Variants in TXNRD3 observed in about 807,000 individuals in gnomAD.
TXNRD3 encodes thioredoxin reductase 3.
A neutral mutation model predicts 78.2 loss-of-function variants in TXNRD3; 68 were observed. The ratio of observed to expected loss-of-function variants is 0.87; its 90% confidence interval spans 0.72 to 1.06. The LOEUF (loss-of-function observed/expected upper bound fraction) is 1.06. Ranked by LOEUF, TXNRD3 falls within the 50% of genes least tolerant of loss-of-function variation. TXNRD3 has a pLI of 0.00. For missense variants in TXNRD3, 751 were observed against 809.5 expected (o/e 0.93, Z 0.88); for synonymous variants, 296 against 300.1 (o/e 0.99, Z 0.14).
chr3:126,609,182 G>A (rs569825459), intron 14 of TXNRD3: 9 of 443,538 alleles, frequency 2.0e-5, no homozygotes, highest in Admixed American at 7.1e-5. Context: ...CCACGGTAAC[G>A]GTGCATTCTA....
At position 126,630,739 on chromosome 3, in the gene TXNRD3, C is replaced by T. The variant is rs1159283403; in HGVS notation, c.1170G>A (p.Lys390=). Reference sequence around the variant, plus strand: ...TCACAGGTATGAATTTCCGTAGGAACTTCACACCATGCTGCTCCATGTAGG... The same window carrying T: ...TCACAGGTATGAATTTCCGTAGGAATTTCACACCATGCTGCTCCATGTAGG... The change falls in exon 9 of 16, where the codon AAG becomes AAA. Residue 390 remains lysine (K), a synonymous_variant. Coordinates refer to ENST00000524230, the MANE Select transcript of TXNRD3 (RefSeq NM_052883.3). The T allele has an allele frequency of 9.1e-6, 14 of 1,534,200 alleles. No individual in the cohort carries two copies. Among genetic ancestry groups the T allele is most frequent in the Non-Finnish European group, 1.0e-5 (12 of 1,146,856 alleles).
intron 14 of TXNRD3, 43 bp downstream of exon 14, chr3:126,610,994 A>G: frequency 8.4e-7 from 1 of 1,190,626 alleles, no homozygotes; most frequent in Non-Finnish European, 1.1e-6. Context: ...TAAAAGCTAC[A>G]TTTAAAAATC....
rs528033653 is a variant in TXNRD3 at position 126,634,021 on chromosome 3, G to A, written c.743C>T (p.Ala248Val). ...TAGAGAGCTGATGTGGTTCTGAATC[G>A]CTTTTGTCATTGTCTCCCAGTTGTG... Residue 248 changes from alanine (A) to valine (V), a missense_variant, in exon 7 of 16, where the codon GCG (alanine) becomes GTG (valine). Physicochemically the swap from Ala to Val is moderately conservative, Grantham distance 64 (BLOSUM62 0). Coordinates refer to ENST00000524230, the MANE Select transcript of TXNRD3 (RefSeq NM_052883.3). 21 of 1,518,292 alleles carry A rather than the reference G, an allele frequency of 1.4e-5. No homozygotes were observed. The highest frequency in any genetic ancestry group is 1.2e-4 in the Admixed American group (6 of 48,730). 94.1% of individuals were successfully genotyped at this position (1,518,292 alleles called of 1,614,324 possible).
At chr3:126,627,832 C>G (rs1938614858) in intron 10 of TXNRD3, among the ~76,000 whole-genome samples, 1 of 152,046 alleles carries the variant, frequency 6.6e-6, no homozygotes, top group African/African-American at 2.4e-5. Flanking sequence ...TGCCAGAAAA[C>G]AGGAAATGAG....
At chr3:126,630,639 G>A (rs1011416095) in intron 9 of TXNRD3, 73 bp downstream of exon 9, 11 of 1,368,720 alleles carry the variant, frequency 8.0e-6, no homozygotes, top group East Asian at 2.5e-5. Flanking sequence ...ACTAATTTAT[G>A]TAATGAAATG....
chr3:126,648,921 T>C (rs1340039983), intron 1 of TXNRD3, among the ~76,000 whole-genome samples: 6 of 152,168 alleles, frequency 3.9e-5, no homozygotes, highest in Admixed American at 1.3e-4. Context: ...AGGAGGATCA[T>C]GGAGTCCAGG....
intron 5 of TXNRD3, among the ~76,000 whole-genome samples, chr3:126,642,354 T>C (rs1403828482): frequency 6.6e-6 from 1 of 152,132 alleles, no homozygotes; most frequent in Non-Finnish European, 1.5e-5. Context: ...AAAATACAGA[T>C]GTGCATGTGA....
At chr3:126,626,940 T>C (rs1261522238) in intron 10 of TXNRD3, among the ~76,000 whole-genome samples, 2 of 151,552 alleles carry the variant, frequency 1.3e-5, no homozygotes, top group Non-Finnish European at 2.9e-5. Flanking sequence ...AAAAAAAAAT[T>C]AGCCAGGCAT....
Position 126,608,624 on chromosome 3 carries a change from T to C in TXNRD3, c.1738A>G (p.Ile580Val). 1 of 1,535,412 alleles carries C rather than the reference T, an allele frequency of 6.5e-7. No individual in the cohort carries two copies. Among genetic ancestry groups the C allele is most frequent in the Non-Finnish European group, 8.7e-7 (1 of 1,146,630 alleles). ...TTTGGTCCAAGAATATGAAATCCTATCACCCGATCCTTTAATACAGAAACA... is the reference window on the plus strand; with the variant it reads ...TTTGGTCCAAGAATATGAAATCCTACCACCCGATCCTTTAATACAGAAACA... The change falls in exon 15 of 16, where the codon ATA becomes GTA. Residue 580 changes from isoleucine (I) to valine (V), a missense_variant. Physicochemically the swap from Ile to Val is conservative, Grantham distance 29. Transcript: ENST00000524230.
chr3:126,614,091 CAAG>C (rs1938259153), intron 13 of TXNRD3, among the ~76,000 whole-genome samples: 1 of 151,838 alleles, frequency 6.6e-6, no homozygotes, highest in Non-Finnish European at 1.5e-5. Context: ...TTTTTATAAA[CAAG>C]AAGTAAAAAA....
intron 3 of TXNRD3, among the ~76,000 whole-genome samples, chr3:126,644,678 A>C (rs948110730): frequency 1.3e-5 from 2 of 152,232 alleles, no homozygotes; most frequent in Non-Finnish European, 2.9e-5. Context: ...CTCTGTACCT[A>C]TGTAAGATGA....
In TXNRD3 at chr3:126,644,308, A is replaced by T. The variant is rs753398704; in HGVS notation, c.508T>A (p.Ser170Thr). 22 of 1,536,378 alleles carry T rather than the reference A, an allele frequency of 1.4e-5. 1 individual carries two copies. In the South Asian group the frequency reaches 2.4e-4, roughly 17 times the overall value. Reference sequence around the variant, plus strand: ...TTCTATATTCATACCTTCGCACATGAAAGGCCTCCAGAACCACCACCGATG... The same window carrying T: ...TTCTATATTCATACCTTCGCACATGTAAGGCCTCCAGAACCACCACCGATG... Residue 170 changes from serine to threonine, a missense_variant, in exon 4 of 16, where the codon TCA (serine) becomes ACA (threonine). By Grantham distance (58) the Ser-to-Thr change is moderately conservative. Coordinates refer to ENST00000524230, the MANE Select transcript of TXNRD3 (RefSeq NM_052883.3).
intron 5 of TXNRD3, 107 bp from the exon 6 acceptor site, chr3:126,642,258 G>A: frequency 7.8e-7 from 1 of 1,283,200 alleles, no homozygotes; most frequent in Middle Eastern, 1.9e-4. Flanking sequence ...TGGTGGGGGG[G>A]ATGACACCCC....
chr3:126,624,094 C>T (rs140727651), intron 10 of TXNRD3, among the ~76,000 whole-genome samples: 2 of 151,854 alleles, frequency 1.3e-5, no homozygotes, highest in Non-Finnish European at 2.9e-5. Flanking sequence ...CTGAGAGGAA[C>T]TAAGGAATAC....
chr3:126,644,338 T>A lies in TXNRD3; in HGVS notation c.478A>T (p.Ile160Phe), dbSNP rs577617032. ...CCTCCAGAACCACCACCGATGATGA[T>A]GAGATCATAATCATATGCCAAATCT... The change falls in exon 4 of 16, where the codon ATC becomes TTC. Residue 160 changes from isoleucine to phenylalanine, a missense_variant. Ile to Phe is a conservative substitution (Grantham distance 21, BLOSUM62 0). Coordinates refer to ENST00000524230, the MANE Select transcript of TXNRD3 (RefSeq NM_052883.3). 2.2e-4 allele frequency: 344 copies of A among 1,534,600 alleles called. 2 individuals are homozygous for A. The highest frequency in any genetic ancestry group is 1.5e-3 in the Middle Eastern group (9 of 5,992).
intron 12 of TXNRD3, among the ~76,000 whole-genome samples, chr3:126,618,862 C>T (rs1160767684): frequency 1.1e-5 from 1 of 89,046 alleles, no homozygotes; most frequent in South Asian, 3.1e-4. Flanking sequence ...CAACTCAGAG[C>T]CAAAAAAAAA....
At chr3:126,611,400 T>C (rs1445726710) in intron 13 of TXNRD3, among the ~76,000 whole-genome samples, 1 of 152,170 alleles carries the variant, frequency 6.6e-6, no homozygotes, top group Non-Finnish European at 1.5e-5. Context: ...CAAACATGTA[T>C]AGAGTACCAG....
chr3:126,640,452 C>G (rs1420822768), intron 6 of TXNRD3, among the ~76,000 whole-genome samples: 2 of 152,258 alleles, frequency 1.3e-5, no homozygotes, highest in South Asian at 2.1e-4. Context: ...CATTTCCCCC[C>G]CAGTCTCTCT....
chr3:126,638,567 C>T (rs530024215), intron 6 of TXNRD3, among the ~76,000 whole-genome samples: 137 of 152,120 alleles, frequency 9.0e-4, no homozygotes, highest in African/African-American at 3.3e-3. Context: ...AACCCCGTCT[C>T]CACTAAAAAT....
Sources: gnomAD v4.1 joint callset for allele counts (sites outside exome capture counted in the v4.1 genomes callset) on GRCh38, gnomAD v4.1.1 for gene constraint, MANE v1.5 for transcripts, NCBI Gene and HGNC (gene_info 2026-07-23, HGNC 2026-07-21) for gene names.